H1-8: variants seen among roughly 807,000 people sequenced by gnomAD.
H1-8 encodes H1.8 linker histone, also known as histone H1.8.
A neutral mutation model predicts 19.5 loss-of-function variants in H1-8; 13 were observed. The observed-to-expected ratio is 0.67, with a 90% confidence interval of 0.43 to 1.06. The LOEUF (loss-of-function observed/expected upper bound fraction) is 1.06, where lower values mean the gene tolerates loss of function less well. H1-8 is among the 50% of genes least tolerant of loss of function. The pLI is 0.00. For missense variants in H1-8, 432 were observed against 459.8 expected (o/e 0.94, Z 0.55); for synonymous variants, 193 against 187.6 (o/e 1.03, Z -0.24).
chr3:129,546,374 A>G (rs1006033394), intron 1 of H1-8, among the ~76,000 whole-genome samples: 4 of 152,042 alleles, frequency 2.6e-5, no homozygotes, highest in African/African-American at 7.2e-5. Flanking sequence ...AGACTACCAA[A>G]TGGTCTGTAA....
chr3:129,544,372 G>A (rs1358915056), intron 1 of H1-8, among the ~76,000 whole-genome samples: 1 of 152,088 alleles, frequency 6.6e-6, no homozygotes, highest in African/African-American at 2.4e-5. Flanking sequence ...CGGTGGGGAA[G>A]AGGCAGTGGG....
intron 2 of H1-8, 53 bp from the exon 3 acceptor site, chr3:129,548,948 G>T: frequency 1.9e-6 from 3 of 1,538,984 alleles, no homozygotes; most frequent in Non-Finnish European, 2.6e-6. Context: ...GGGGGTGGGG[G>T]GCGTGAGGCA....
chr3:129,549,051 G>C lies in H1-8; in HGVS notation c.429G>C (p.Ala143=), dbSNP rs374343374. ...TCCAGCCCAGGAAGATGGCCCCCGCGACGGCTCCCAGGAGAGCGGGTGAGG... is the reference window on the plus strand; with the variant it reads ...TCCAGCCCAGGAAGATGGCCCCCGCCACGGCTCCCAGGAGAGCGGGTGAGG... ...KKIQPRKMAP[A]TAPRRAGEAK... The change falls in exon 3 of 5, where the codon GCG becomes GCC. Residue 143 remains alanine (A), a synonymous_variant. Transcript: ENST00000324382. 1 of 1,612,986 alleles carries C rather than the reference G, an allele frequency of 6.2e-7. No individual in the cohort carries two copies. The highest frequency in any genetic ancestry group is 8.5e-7 in the Non-Finnish European group (1 of 1,179,600).
intron 2 of H1-8, among the ~76,000 whole-genome samples, chr3:129,548,098 G>A (rs554655937): frequency 2.0e-5 from 3 of 152,300 alleles, no homozygotes; most frequent in Non-Finnish European, 4.4e-5. Flanking sequence ...ACCCATGCCA[G>A]GTCACTCAGA....
chr3:129,548,956 G>T, intron 2 of H1-8, 45 bp from the exon 3 acceptor site: 1 of 1,544,508 alleles, frequency 6.5e-7, no homozygotes, highest in Non-Finnish European at 8.7e-7. Flanking sequence ...GGGGCGTGAG[G>T]CACCTGAGGC....
rs2084898205 is a variant in H1-8, at chr3:129,547,501, G to C, written c.199G>C (p.Glu67Gln). ...GGTGCTGGAGGCGCTGCAGGCTGGGGAGCAGCGCCGGGGCACGTCGGTGGC... is the reference window on the plus strand; with the variant it reads ...GGTGCTGGAGGCGCTGCAGGCTGGGCAGCAGCGCCGGGGCACGTCGGTGGC... Reference protein sequence around the residue: ...RMVLEALQAGEQRRGTSVAAI... With the variant: ...RMVLEALQAGQQRRGTSVAAI... Residue 67 changes from glutamate (E) to glutamine (Q), a missense_variant, in exon 2 of 5, where the codon GAG becomes CAG. Physicochemically the swap from Glu to Gln is conservative, Grantham distance 29 (BLOSUM62 2). Transcript: ENST00000324382. The C allele has an allele frequency of 6.4e-7, 1 of 1,565,860 alleles. No homozygotes were observed. Among genetic ancestry groups the C allele is most frequent in the Non-Finnish European group, 8.7e-7 (1 of 1,155,700 alleles).
intron 1 of H1-8, among the ~76,000 whole-genome samples, chr3:129,543,617 C>G (rs1028596873): frequency 6.6e-6 from 1 of 152,226 alleles, no homozygotes; most frequent in South Asian, 2.1e-4. Context: ...GACCGTAGCC[C>G]GTAGCCAGGC....
In H1-8 at chr3:129,549,091, C is replaced by G. The variant is rs1347022489; in HGVS notation, c.469C>G (p.Pro157Ala). The G allele has an allele frequency of 1.2e-6, 2 of 1,607,212 alleles. No homozygotes were observed. The highest frequency in any genetic ancestry group is 1.3e-5 in the African/African-American group (1 of 74,726). The change falls in exon 3 of 5, where the codon CCC becomes GCC. Residue 157 changes from proline to alanine, a missense_variant. Pro to Ala is a conservative substitution (Grantham distance 27). Coordinates refer to ENST00000324382, the MANE Select transcript of H1-8 (RefSeq NM_153833.3). ...RRAGEAKGKG[P>A]KKPSEAKEDP... ...AGCGGGTGAGGCCAAGGGGAAGGGC[C>G]CCAAGAAACCAAGTGAGGCCAAGGA...
intron 3 of H1-8, among the ~76,000 whole-genome samples, chr3:129,549,864 A>C (rs2084921158): frequency 1.3e-5 from 2 of 151,686 alleles, no homozygotes; most frequent in South Asian, 4.2e-4. Flanking sequence ...TGAGGCAGGA[A>C]AATCACTTGA....
At chr3:129,546,162 A>G (rs553911185) in intron 1 of H1-8, among the ~76,000 whole-genome samples, 193 of 141,622 alleles carry the variant, frequency 1.4e-3, no homozygotes, top group African/African-American at 4.6e-3. Flanking sequence ...TAATAATGAT[A>G]ATAATACAAA....
Position 129,547,655 on chromosome 3 carries a change from C to T in H1-8, c.353C>T (p.Ala118Val). Reference protein sequence around the residue: ...GLLARPLNSKARGATGSFKLV... With the variant: ...GLLARPLNSKVRGATGSFKLV... ...CTCGCCAGGCCCCTCAACTCCAAAG[C>T]CAGGGGGGCCACTGGCAGCTTCAAA... is the stretch of plus-strand genomic sequence containing the variant. The change falls in exon 2 of 5, where the codon GCC (alanine) becomes GTC (valine). Residue 118 changes from alanine (A) to valine (V), a missense_variant. Transcript: ENST00000324382. 1 of 1,544,292 alleles carries T rather than the reference C, an allele frequency of 6.5e-7. No homozygotes were observed.
intron 2 of H1-8, among the ~76,000 whole-genome samples, chr3:129,548,737 C>T (rs2093110218): frequency 6.6e-6 from 1 of 151,186 alleles, no homozygotes; most frequent in Admixed American, 6.6e-5. Flanking sequence ...GGCAGCGCTT[C>T]AGGGTAGTGG....
At chr3:129,549,675 C>G (rs973035417) in intron 3 of H1-8, among the ~76,000 whole-genome samples, 1 of 151,832 alleles carries the variant, frequency 6.6e-6, no homozygotes, top group South Asian at 2.1e-4. Context: ...GTTTTTAGGC[C>G]GGGCATGGTG....
In H1-8 at chr3:129,547,528, GC is replaced by G. The variant is rs1438960387; in HGVS notation, c.227del (p.Ala76ValfsTer22). The G allele has an allele frequency of 6.3e-7, 1 of 1,577,906 alleles. No homozygotes were observed. The highest frequency in any genetic ancestry group is 1.2e-5 in the South Asian group (1 of 86,294). Reference protein sequence around the residue: ...GEQRRGTSVAAIKLYILHKYP... With the variant: ...GEQRRGTSVAXIKLYILHKYP... ...GCAGCGCCGGGGCACGTCGGTGGCA[GC>G]TATCAAGCTCTACATCCTGCACAAG... On this transcript the variant is annotated frameshift_variant, in exon 2 of 5. Coordinates refer to ENST00000324382, the MANE Select transcript of H1-8 (RefSeq NM_153833.3). LOFTEE classifies it high-confidence loss of function.
chr3:129,549,073 G>C lies in H1-8; in HGVS notation c.451G>C (p.Glu151Gln), dbSNP rs764180917. The C allele has an allele frequency of 1.2e-6, 2 of 1,611,914 alleles. No individual in the cohort carries two copies. The highest frequency in any genetic ancestry group is 1.1e-5 in the South Asian group (1 of 90,798). The stretch of plus-strand genomic sequence containing the variant: ...CGCGACGGCTCCCAGGAGAGCGGGT[G>C]AGGCCAAGGGGAAGGGCCCCAAGAA... Reference protein sequence around the residue: ...APATAPRRAGEAKGKGPKKPS... With the variant: ...APATAPRRAGQAKGKGPKKPS... Residue 151 changes from glutamate (E) to glutamine (Q), a missense_variant, in exon 3 of 5, where the codon GAG (glutamate) becomes CAG (glutamine). Physicochemically the swap from Glu to Gln is conservative, Grantham distance 29. Coordinates refer to ENST00000324382, the MANE Select transcript of H1-8 (RefSeq NM_153833.3).
Position 129,547,404 on chromosome 3 carries a change from C to G in H1-8, c.102C>G (p.Gly34=), listed in dbSNP as rs538787645. The G allele has an allele frequency of 1.2e-4, 173 of 1,473,698 alleles. No homozygotes were observed. In the African/African-American group the frequency reaches 2.1e-3, roughly 18 times the overall value. The allele number at this position is 1,473,698 out of a possible 1,614,324, so 91.3% of individuals were successfully genotyped here. The change falls in exon 2 of 5, where the codon GGC becomes GGG. Residue 34 remains glycine, a synonymous_variant. Transcript: ENST00000324382. The stretch of plus-strand genomic sequence containing the variant: ...ATCTCTCCTCAGGCCCGAGCCACGG[C>G]GGTGTCCCACCAGGAGGCCCGAGCC... ...PESEKPGPSH[G]GVPPGGPSHS... is the part of the protein sequence containing the mutation.
At chr3:129,543,354 C>A in intron 1 of H1-8, 48 bp downstream of exon 1, 1 of 1,422,342 alleles carries the variant, frequency 7.0e-7, no homozygotes. Flanking sequence ...AGCCCACTCC[C>A]TGGGTTGCCT....
chr3:129,543,595 G>A lies in H1-8; in HGVS notation c.88+289G>A, dbSNP rs2084867507. On this transcript the variant is annotated intron_variant, in intron 1 of 4. Transcript: ENST00000324382. ...CCACAGGGCCTTCCAGCTGGAGCCC[G>A]TTTCCTGCTGGGACCGTAGCCCGTA... Among the ~76,000 whole-genome samples the A allele has an allele frequency of 3.3e-5, 5 of 152,368 alleles. No individual in the cohort carries two copies. The South Asian group carries it at 1.0e-3, about 32-fold the overall frequency.
In H1-8 at chr3:129,543,415, T is replaced by C. The variant is rs375116800; in HGVS notation, c.88+109T>C. On this transcript the variant is annotated intron_variant, in intron 1 of 4. Transcript: ENST00000324382. ...TCTTTCCCAGCCTGGCCCCAGCACC[T>C]ACCCAGCACCCACCCAGCACTCACC... 132 of 735,292 alleles carry C rather than the reference T, an allele frequency of 1.8e-4. No individual in the cohort carries two copies. In the East Asian group the frequency reaches 3.4e-3, roughly 19 times the overall value. 45.5% of individuals were successfully genotyped at this position (735,292 alleles called of 1,614,324 possible). A position where few individuals can be genotyped will look rare whatever the true frequency, so the allele number is the denominator to read the frequency against.
Sources: allele counts gnomAD v4.1 joint callset (sites outside exome capture counted in the v4.1 genomes callset), GRCh38; gene constraint gnomAD v4.1.1; transcripts MANE v1.5; gene names NCBI Gene and HGNC (gene_info 2026-07-23, HGNC 2026-07-21).